ROBO2: variants seen among roughly 807,000 people sequenced by gnomAD.
ROBO2 encodes the protein roundabout homolog 2.
In ROBO2, 53 loss-of-function variants were observed where a neutral mutation model predicts 160.8. That is an observed-to-expected ratio of 0.33 (90% CI 0.26 to 0.41). ROBO2 has a LOEUF of 0.41. Among genes scored for constraint, ROBO2 ranks in the 10% least tolerant of loss-of-function variants. The pLI is 1.00. For synonymous variants in ROBO2, 664 were observed against 611.7 expected, an observed-to-expected ratio of 1.09 and a Z score of -1.26; for missense variants, 1,577 against 1,722.4, an observed-to-expected ratio of 0.92 and a Z score of 1.49.
intron 2 of ROBO2, among the ~76,000 whole-genome samples, chr3:76,238,861 A>G (rs1486948641): frequency 6.6e-6 from 1 of 152,236 alleles, no homozygotes; most frequent in Non-Finnish European, 1.5e-5. Context: ...AAGCCTAACC[A>G]TATCACTGAC....
At chr3:76,731,732 C>A (rs985176779) in intron 2 of ROBO2, among the ~76,000 whole-genome samples, 30 of 152,158 alleles carry the variant, frequency 2.0e-4, no homozygotes, top group Non-Finnish European at 1.0e-4. Flanking sequence ...CAAGACACCA[C>A]TTTCTGGTAC....
chr3:77,203,733 C>T (rs1430027652), intron 2 of ROBO2, among the ~76,000 whole-genome samples: 1 of 152,094 alleles, frequency 6.6e-6, no homozygotes, highest in Non-Finnish European at 1.5e-5. Flanking sequence ...TTGATAGTGG[C>T]GGCTGAAACT....
chr3:77,244,627 C>T lies in ROBO2; in HGVS notation c.388+146287C>T, dbSNP rs564463024. The stretch of plus-strand genomic sequence containing the variant: ...AGGCGCGGTGGCTCATGCCTGTAAT[C>T]CCAGCAGTTTGGGAGGCCGAGGTGG... On this transcript the variant is annotated intron_variant, in intron 2 of 25. Transcript: ENST00000461745. 2.0e-5 allele frequency among the ~76,000 whole-genome samples: 3 copies of T among 152,114 alleles called. No homozygotes were observed. The East Asian group carries it at 5.8e-4, about 29-fold the overall frequency.
chr3:76,452,378 T>C (rs2077521705), intron 2 of ROBO2, among the ~76,000 whole-genome samples: 1 of 152,026 alleles, frequency 6.6e-6, no homozygotes. Context: ...CCTGTGTCCA[T>C]GTGTTCTCAT....
At chr3:77,410,660 TTCC>T (rs1217495809) in intron 2 of ROBO2, among the ~76,000 whole-genome samples, 9 of 59,838 alleles carry the variant, frequency 1.5e-4, no homozygotes, top group African/African-American at 6.4e-4. Context: ...CCTCCTCTTC[TTCC>T]TCCTCCTCTT....
chr3:76,342,318 G>C (rs953744503), intron 2 of ROBO2, among the ~76,000 whole-genome samples: 1 of 152,078 alleles, frequency 6.6e-6, no homozygotes, highest in African/African-American at 2.4e-5. Context: ...TGACTCTCAG[G>C]TGAGAGACAT....
At chr3:76,700,100 G>T (rs796628407) in intron 2 of ROBO2, among the ~76,000 whole-genome samples, 7 of 152,182 alleles carry the variant, frequency 4.6e-5, no homozygotes, top group African/African-American at 1.7e-4. Flanking sequence ...AAACTTCTTG[G>T]CAAACAGATG....
chr3:76,853,759 C>T (rs1198393554), intron 2 of ROBO2, among the ~76,000 whole-genome samples: 1 of 152,056 alleles, frequency 6.6e-6, no homozygotes, highest in African/African-American at 2.4e-5. Context: ...GTCGTTTGTT[C>T]TGTCTCAGTA....
At chr3:77,056,969 C>T (rs1395722710) in intron 1 of ROBO2, among the ~76,000 whole-genome samples, 7 of 152,006 alleles carry the variant, frequency 4.6e-5, no homozygotes, top group African/African-American at 1.4e-4. Context: ...TGGTTATATA[C>T]CCAAAGGATT....
At chr3:75,993,548 C>T (rs2065632139) in intron 2 of ROBO2, among the ~76,000 whole-genome samples, 1 of 152,166 alleles carries the variant, frequency 6.6e-6, no homozygotes, top group East Asian at 1.9e-4. Context: ...ACTAACACAG[C>T]AGTTAATTGA....
At chr3:76,664,203 T>C (rs2110084665) in intron 2 of ROBO2, among the ~76,000 whole-genome samples, 1 of 152,302 alleles carries the variant, frequency 6.6e-6, no homozygotes, top group Middle Eastern at 3.4e-3. Context: ...GTTATGTCTA[T>C]TCTAATTGTC....
intron 2 of ROBO2, among the ~76,000 whole-genome samples, chr3:77,417,067 C>T (rs912325809): frequency 6.6e-5 from 10 of 152,092 alleles, no homozygotes; most frequent in South Asian, 2.1e-4. Flanking sequence ...TTTTAATGAA[C>T]GTTGAATCTA....
chr3:76,844,314 CAT>C (rs2068579162), intron 2 of ROBO2, among the ~76,000 whole-genome samples: 1 of 151,946 alleles, frequency 6.6e-6, no homozygotes, highest in South Asian at 2.1e-4. Context: ...GCAATCTTAA[CAT>C]AAATTCTCCT....
chr3:76,480,826 T>C (rs1400665112), intron 2 of ROBO2, among the ~76,000 whole-genome samples: 1 of 152,170 alleles, frequency 6.6e-6, no homozygotes, highest in Non-Finnish European at 1.5e-5. Context: ...TTTCACCTGA[T>C]AGAAATATCA....
chr3:76,674,810 C>T (rs2092365904), intron 2 of ROBO2, among the ~76,000 whole-genome samples: 4 of 152,120 alleles, frequency 2.6e-5, no homozygotes, highest in Admixed American at 2.6e-4. Flanking sequence ...ACTAGCAACG[C>T]CTTCACACCT....
chr3:76,968,360 C>T (rs2059410075), intron 2 of ROBO2, among the ~76,000 whole-genome samples: 2 of 152,128 alleles, frequency 1.3e-5, no homozygotes, highest in African/African-American at 4.8e-5. Flanking sequence ...CATATATCAA[C>T]ATGTAGTTAG....
chr3:77,644,785 G>A, exon 25 of ROBO2: 11 of 1,614,020 alleles, frequency 6.8e-6, no homozygotes, highest in Non-Finnish European at 9.3e-6. Flanking sequence ...TCTTCTAAGG[G>A]ATCCACTGGA....
chr3:77,623,896 G>T (rs1007168971), intron 23 of ROBO2, among the ~76,000 whole-genome samples: 1 of 152,122 alleles, frequency 6.6e-6, no homozygotes, highest in African/African-American at 2.4e-5. Flanking sequence ...ATATTATAAT[G>T]TCAAAGATGA....
chr3:76,795,665 C>T (rs570045452), intron 2 of ROBO2, among the ~76,000 whole-genome samples: 5 of 152,136 alleles, frequency 3.3e-5, no homozygotes, highest in Non-Finnish European at 7.4e-5. Flanking sequence ...CAGTCTTAAA[C>T]TTCTCAAACT....
Sources: gnomAD v4.1 joint callset for allele counts (sites outside exome capture counted in the v4.1 genomes callset) on GRCh38, gnomAD v4.1.1 for gene constraint, MANE v1.5 for transcripts, NCBI Gene and HGNC (gene_info 2026-07-23, HGNC 2026-07-21) for gene names.